LINGO2: variants seen among roughly 807,000 people sequenced by gnomAD.
LINGO2 encodes leucine-rich repeat and immunoglobulin-like domain-containing nogo receptor-interacting protein 2.
In LINGO2, 14 loss-of-function variants were observed where a neutral mutation model predicts 30.6. The ratio of observed to expected loss-of-function variants is 0.46; its 90% CI spans 0.30 to 0.72. The LOEUF is 0.72. LINGO2 is among the 30% of genes least tolerant of loss of function. LINGO2 has a pLI of 0.07. For synonymous variants in LINGO2, 317 were observed against 288.5 expected (o/e 1.10, Z -1.00); for missense variants, 729 against 751.7 (o/e 0.97, Z 0.35).
intron 3 of LINGO2, among the ~76,000 whole-genome samples, chr9:28,308,633 A>G (rs1824472682): frequency 6.7e-6 from 1 of 148,228 alleles, no homozygotes; most frequent in African/African-American, 2.5e-5. Context: ...CTACCATCAG[A>G]GTGAACAGGC....
At chr9:27,997,005 T>G (rs1821697972) in intron 5 of LINGO2, among the ~76,000 whole-genome samples, 1 of 152,248 alleles carries the variant, frequency 6.6e-6, no homozygotes, top group African/African-American at 2.4e-5. Flanking sequence ...GACACAGGTT[T>G]CAAAAATTCT....
the LINGO2 span, among the ~76,000 whole-genome samples, chr9:28,843,068 AG>A: frequency 1.3e-5 from 2 of 151,952 alleles, no homozygotes; most frequent in African/African-American, 2.4e-5. Flanking sequence ...TAATGACAGC[AG>A]GAAGACAAAT....
intron 2 of LINGO2, among the ~76,000 whole-genome samples, chr9:28,467,737 T>C (rs1342320115): frequency 1.3e-5 from 2 of 152,104 alleles, no homozygotes; most frequent in African/African-American, 4.8e-5. Flanking sequence ...TTCAACACAG[T>C]GCTTATTGGG....
the LINGO2 span, among the ~76,000 whole-genome samples, chr9:28,746,780 G>A: frequency 1.3e-5 from 2 of 152,036 alleles, no homozygotes; most frequent in East Asian, 1.9e-4. Flanking sequence ...TTTTATGACA[G>A]TGGGCTCTGG....
intron 4 of LINGO2, among the ~76,000 whole-genome samples, chr9:28,258,932 AC>A (rs1564079567): frequency 6.6e-6 from 1 of 151,610 alleles, no homozygotes; most frequent in Non-Finnish European, 1.5e-5. Flanking sequence ...AAAAAAAAAA[AC>A]ATTAAGTTTC....
chr9:29,066,458 T>C, the LINGO2 span, among the ~76,000 whole-genome samples: 26 of 151,970 alleles, frequency 1.7e-4, no homozygotes, highest in Non-Finnish European at 2.4e-4. Context: ...AAGGTTACTG[T>C]AAGTGTTTTG....
chr9:28,357,865 G>T (rs1028577353), intron 3 of LINGO2, among the ~76,000 whole-genome samples: 1 of 151,748 alleles, frequency 6.6e-6, no homozygotes, highest in African/African-American at 2.4e-5. Context: ...CACCTAGTAG[G>T]GAATCAATAC....
intron 1 of LINGO2, among the ~76,000 whole-genome samples, chr9:28,506,999 C>T (rs1820166602): frequency 6.6e-6 from 1 of 152,062 alleles, no homozygotes; most frequent in South Asian, 2.1e-4. Flanking sequence ...GGAAAGTTCA[C>T]ACAATTTGGA....
chr9:28,609,512 T>C (rs1481838317), intron 1 of LINGO2, among the ~76,000 whole-genome samples: 1 of 152,010 alleles, frequency 6.6e-6, no homozygotes, highest in African/African-American at 2.4e-5. Context: ...TTAGAAAAGT[T>C]ATTGAATCTT....
intron 4 of LINGO2, among the ~76,000 whole-genome samples, chr9:28,229,756 A>C (rs1250702227): frequency 1.3e-5 from 2 of 151,892 alleles, no homozygotes; most frequent in African/African-American, 4.8e-5. Flanking sequence ...AATTAGAAAC[A>C]GAGAAATAAG....
the LINGO2 span, among the ~76,000 whole-genome samples, chr9:28,939,822 C>G: frequency 6.6e-6 from 1 of 152,200 alleles, no homozygotes; most frequent in Middle Eastern, 3.4e-3. Flanking sequence ...TTTCTGAATT[C>G]CCTCTGAGCC....
chr9:28,486,740 C>T (rs1826180998), intron 1 of LINGO2, among the ~76,000 whole-genome samples: 1 of 152,014 alleles, frequency 6.6e-6, no homozygotes, highest in Non-Finnish European at 1.5e-5. Context: ...GACCCTCCTT[C>T]AACTCATGAA....
chr9:29,108,883 A>G, the LINGO2 span, among the ~76,000 whole-genome samples: 2 of 152,200 alleles, frequency 1.3e-5, no homozygotes, highest in Non-Finnish European at 2.9e-5. Flanking sequence ...AAGTCTGTTT[A>G]TGAAATAAAA....
chr9:28,450,996 T>A (rs963348457), intron 2 of LINGO2, among the ~76,000 whole-genome samples: 8 of 151,844 alleles, frequency 5.3e-5, no homozygotes, highest in Admixed American at 5.3e-4. Flanking sequence ...ATAGTCTTAA[T>A]TTTTTTCATT....
the LINGO2 span, among the ~76,000 whole-genome samples, chr9:29,116,335 ATGTCTT>A: frequency 6.6e-6 from 1 of 152,088 alleles, no homozygotes; most frequent in Non-Finnish European, 1.5e-5. Flanking sequence ...CTGGGCAAGC[ATGTCTT>A]TGTTCAACAA....
At chr9:27,981,909 T>TA (rs1820897201) in intron 5 of LINGO2, among the ~76,000 whole-genome samples, 1 of 151,906 alleles carries the variant, frequency 6.6e-6, no homozygotes, top group Non-Finnish European at 1.5e-5. Context: ...AAGCAACATG[T>TA]ACCAGGTTAG....
chr9:28,867,906 T>C, the LINGO2 span, among the ~76,000 whole-genome samples: 1 of 152,152 alleles, frequency 6.6e-6, no homozygotes, highest in East Asian at 1.9e-4. Context: ...GAATCAAATA[T>C]ACATTTGCCC....
intron 1 of LINGO2, among the ~76,000 whole-genome samples, chr9:28,516,076 A>T (rs1386631553): frequency 6.6e-6 from 1 of 152,216 alleles, no homozygotes; most frequent in Non-Finnish European, 1.5e-5. Context: ...GCAATAAAGC[A>T]TTTTAAAATT....
chr9:27,942,746 T>C, the LINGO2 span: 1 of 152,154 alleles, frequency 6.6e-6, no homozygotes, highest in African/African-American at 2.4e-5. Context: ...CTCAGGCTTA[T>C]CAACTTTTAA....
Sources: gnomAD v4.1 joint callset for allele counts (sites outside exome capture counted in the v4.1 genomes callset) on GRCh38, gnomAD v4.1.1 for gene constraint, MANE v1.5 for transcripts, NCBI Gene and HGNC (gene_info 2026-07-23, HGNC 2026-07-21) for gene names.